Variants in COL6A6 observed in about 807,000 individuals in gnomAD.
COL6A6 encodes the protein collagen alpha-6(VI) chain.
In COL6A6, 183 loss-of-function variants were observed where a neutral mutation model predicts 208.6. The ratio of observed to expected loss-of-function variants is 0.88; its 90% CI spans 0.78 to 0.99. The LOEUF (loss-of-function observed/expected upper bound fraction) is 0.99, where lower values mean the gene tolerates loss of function less well. COL6A6 is among the 50% of genes least tolerant of loss of function. The pLI is 0.00. For missense variants in COL6A6, 2,816 were observed against 2,815.2 expected (o/e 1.00, Z -0.01); for synonymous variants, 973 against 1,011.8 (o/e 0.96, Z 0.73).
At chr3:130,644,196 T>G (rs1218750686) in intron 31 of COL6A6, among the ~76,000 whole-genome samples, 7 of 152,392 alleles carry the variant, frequency 4.6e-5, no homozygotes, top group Admixed American at 3.9e-4. Context: ...AGTATGTGAT[T>G]GTGCGAACAA....
intron 1 of COL6A6, among the ~76,000 whole-genome samples, chr3:130,523,283 A>G (rs1376308688): frequency 6.6e-6 from 1 of 151,864 alleles, no homozygotes; most frequent in Non-Finnish European, 1.5e-5. Flanking sequence ...GCATTACTGG[A>G]CCCCCTTACT....
intron 5 of COL6A6, 41 bp from the exon 6 acceptor site, chr3:130,568,006 T>C: frequency 6.6e-7 from 1 of 1,506,706 alleles, no homozygotes; most frequent in Middle Eastern, 1.8e-4. Flanking sequence ...ACTTTTTACA[T>C]GTAGCTGACT....
At chr3:130,588,235 T>C (rs954144797) in intron 11 of COL6A6, among the ~76,000 whole-genome samples, 1 of 152,222 alleles carries the variant, frequency 6.6e-6, no homozygotes, top group Non-Finnish European at 1.5e-5. Context: ...TAAATGACTA[T>C]AACAAAAGAT....
chr3:130,667,288 G>A (rs1018493510), intron 36 of COL6A6, among the ~76,000 whole-genome samples: 3 of 152,180 alleles, frequency 2.0e-5, no homozygotes, highest in East Asian at 1.9e-4. Flanking sequence ...CCAGGCTGGC[G>A]TGCAGTGGCA....
chr3:130,572,900 C>T (rs545388792), intron 7 of COL6A6, among the ~76,000 whole-genome samples: 14 of 152,214 alleles, frequency 9.2e-5, no homozygotes, highest in Admixed American at 2.6e-4. Flanking sequence ...TTCATGGAAA[C>T]GATCATGCTT....
In COL6A6 at chr3:130,565,296, G is replaced by A. The variant is rs758024809; in HGVS notation, c.964G>A (p.Ala322Thr). ...AAAGCTCAGGAAGGAAGTTTTTAGT[G>A]CACGGAATGGCAGTCGGAAGAATCA... ...IKKLRKEVFS[A>T]RNGSRKNQGV... is the part of the protein sequence containing the mutation. Residue 322 changes from alanine to threonine, a missense_variant, in exon 4 of 37, where the codon GCA (alanine) becomes ACA (threonine). Transcript: ENST00000358511. 5.0e-6 allele frequency: 8 copies of A among 1,613,984 alleles called. No individual in the cohort carries two copies. The Admixed American group carries it at 1.2e-4, about 24-fold the overall frequency.
chr3:130,536,139 G>A (rs930778142), intron 1 of COL6A6, among the ~76,000 whole-genome samples: 1 of 152,152 alleles, frequency 6.6e-6, no homozygotes, highest in Non-Finnish European at 1.5e-5. Flanking sequence ...TTCTCCAATA[G>A]TTAGTCTTAC....
chr3:130,585,309 G>A (rs565391763), intron 10 of COL6A6, among the ~76,000 whole-genome samples: 1 of 152,126 alleles, frequency 6.6e-6, no homozygotes, highest in African/African-American at 2.4e-5. Flanking sequence ...AGGCTATCTG[G>A]GTAAAAAACC....
At chr3:130,649,623 C>T in intron 33 of COL6A6, 61 bp downstream of exon 33, 12 of 1,441,988 alleles carry the variant, frequency 8.3e-6, no homozygotes, top group South Asian at 1.4e-5. Flanking sequence ...TTCAGAAGCC[C>T]CTATACTACC....
Position 130,608,928 on chromosome 3 carries a change from T to C in COL6A6, c.4716T>C (p.Asp1572=). 1.9e-6 allele frequency: 3 copies of C among 1,613,640 alleles called. No homozygotes were observed. Among genetic ancestry groups the C allele is most frequent in the Non-Finnish European group, 2.5e-6 (3 of 1,179,734 alleles). Residue 1572 remains aspartate (D), a synonymous_variant, in exon 22 of 37, where the codon GAT becomes GAC. Transcript: ENST00000358511. ...GAACAGCAGGCATCCCAGGACCAGA[T>C]GGACTTGAAGGCTCCCTGGGACTTA... is the stretch of plus-strand genomic sequence containing the variant. ...PQGTAGIPGP[D]GLEGSLGLKG... is the part of the protein sequence containing the mutation.
At chr3:130,534,407 G>A (rs1328492424) in intron 1 of COL6A6, among the ~76,000 whole-genome samples, 1 of 152,082 alleles carries the variant, frequency 6.6e-6, no homozygotes, top group African/African-American at 2.4e-5. Context: ...ACTCCTTATA[G>A]TAGCTTATTT....
At chr3:130,634,734 C>T (rs866682247) in intron 27 of COL6A6, 109 bp downstream of exon 27, 3 of 765,448 alleles carry the variant, frequency 3.9e-6, no homozygotes, top group East Asian at 5.8e-5. Flanking sequence ...AATGTCCTAC[C>T]TTTGTGCGGA....
In COL6A6 at chr3:130,649,130, T is replaced by A; in HGVS notation, c.5301T>A (p.Asp1767Glu). The change falls in exon 33 of 37, where the codon GAT becomes GAA. Residue 1767 changes from aspartate to glutamate, a missense_variant. Asp to Glu is a conservative substitution (Grantham distance 45, BLOSUM62 2). Transcript: ENST00000358511. ...TGTTTGCCCTGGACCACTCCCGGGA[T>A]GTCACTGAGCAGGAATTTGAGCGGA... ...ELVFALDHSR[D>E]VTEQEFERMK... 1 of 1,584,692 alleles carries A rather than the reference T, an allele frequency of 6.3e-7. No homozygotes were observed. Among genetic ancestry groups the A allele is most frequent in the Non-Finnish European group, 8.6e-7 (1 of 1,164,832 alleles).
chr3:130,656,895 CTTT>C (rs1422628459), intron 33 of COL6A6, among the ~76,000 whole-genome samples: 1 of 152,276 alleles, frequency 6.6e-6, no homozygotes, highest in African/African-American at 2.4e-5. Context: ...TCAGCCTCAA[CTTT>C]GCTCCAAGAT....
intron 20 of COL6A6, among the ~76,000 whole-genome samples, chr3:130,601,332 A>ATT (rs34436150): frequency 6.6e-5 from 10 of 151,930 alleles, no homozygotes; most frequent in East Asian, 1.9e-4. Context: ...ATCGAAAAAT[A>ATT]TTTTTTTTAT....
At chr3:130,664,342 G>A (rs768012911) in intron 35 of COL6A6, among the ~76,000 whole-genome samples, 24 of 152,206 alleles carry the variant, frequency 1.6e-4, no homozygotes, top group Non-Finnish European at 1.9e-4. Flanking sequence ...TTGGGTCACG[G>A]TCCAGGACAA....
chr3:130,571,842 A>ATTTTTTTT (rs67080729), intron 7 of COL6A6, among the ~76,000 whole-genome samples: 1 of 110,854 alleles, frequency 9.0e-6, no homozygotes, highest in African/African-American at 3.8e-5. Context: ...GGCATGGCTA[A>ATTTTTTTT]TTTTTTTTTT....
intron 20 of COL6A6, among the ~76,000 whole-genome samples, chr3:130,604,477 A>G (rs1388084390): frequency 6.6e-6 from 1 of 150,920 alleles, no homozygotes; most frequent in African/African-American, 2.5e-5. Context: ...TCTGGGCGAC[A>G]GAGCGAGACT....
intron 8 of COL6A6, among the ~76,000 whole-genome samples, chr3:130,575,089 T>A (rs1262063252): frequency 1.3e-5 from 2 of 152,208 alleles, no homozygotes; most frequent in Non-Finnish European, 2.9e-5. Context: ...AGGTATCTTA[T>A]GGGTTGGTTA....
Sources: allele counts gnomAD v4.1 joint callset (sites outside exome capture counted in the v4.1 genomes callset), GRCh38; gene constraint gnomAD v4.1.1; transcripts MANE v1.5; gene names NCBI Gene and HGNC (gene_info 2026-07-23, HGNC 2026-07-21).